SPAG16: variants seen among roughly 807,000 people sequenced by gnomAD.
The protein encoded by SPAG16 is sperm associated antigen 16.
Under a neutral mutation model 80.4 loss-of-function variants are expected in SPAG16, and 86 were observed. The observed-to-expected ratio is 1.07, with a 90% CI of 0.90 to 1.28. The LOEUF (loss-of-function observed/expected upper bound fraction) is 1.28, where lower values mean the gene tolerates loss of function less well. Ranked by LOEUF, SPAG16 falls within the 50% of genes most tolerant of loss-of-function variation. The pLI, the probability that SPAG16 is intolerant of heterozygous loss-of-function variation, is 0.00. For missense variants in SPAG16, 870 were observed against 765.3 expected (o/e 1.14, Z -1.61); for synonymous variants, 294 against 265.9 (o/e 1.11, Z -1.03).
At chr2:213,716,136 C>CA (rs1160962878) in intron 10 of SPAG16, among the ~76,000 whole-genome samples, 1 of 151,928 alleles carries the variant, frequency 6.6e-6, no homozygotes, top group Non-Finnish European at 1.5e-5. Flanking sequence ...TTTTTTATCT[C>CA]AAGTGTATTA....
Position 213,584,481 on chromosome 2 carries a change from T to C in SPAG16, c.1070+94391T>C, listed in dbSNP as rs1327598602. The stretch of plus-strand genomic sequence containing the variant: ...AGTAAAAATGGGAGAGATCAAAGAA[T>C]CTCAGTGAAAAAAAATCATAGAATT... On this transcript the variant is annotated intron_variant, in intron 10 of 15. Coordinates refer to ENST00000331683, the MANE Select transcript of SPAG16 (RefSeq NM_024532.5). Among the ~76,000 whole-genome samples the C allele has an allele frequency of 2.0e-5, 3 of 151,830 alleles. No homozygotes were observed. In the East Asian group the frequency reaches 5.8e-4, roughly 29 times the overall value.
intron 10 of SPAG16, among the ~76,000 whole-genome samples, chr2:213,777,973 C>G (rs1201002990): frequency 6.6e-6 from 1 of 152,078 alleles, no homozygotes; most frequent in Admixed American, 6.5e-5. Flanking sequence ...AAAACTTGCT[C>G]TTTTAGTTTT....
chr2:213,724,776 CAAAAAAA>C (rs1159240137), intron 10 of SPAG16, among the ~76,000 whole-genome samples: 2 of 39,904 alleles, frequency 5.0e-5, no homozygotes, highest in African/African-American at 2.3e-4. Context: ...GACTCTGTCT[CAAAAAAA>C]AAAAAAAAAA....
intron 1 of SPAG16, among the ~76,000 whole-genome samples, chr2:213,295,678 T>C (rs1259630290): frequency 1.3e-5 from 2 of 152,122 alleles, no homozygotes; most frequent in East Asian, 1.9e-4. Flanking sequence ...GGAAAATTCA[T>C]TGTGGTTTAA....
chr2:213,903,484 C>CG (rs1298682001), intron 11 of SPAG16, among the ~76,000 whole-genome samples: 4 of 152,170 alleles, frequency 2.6e-5, no homozygotes, highest in African/African-American at 9.7e-5. Context: ...CCCCTTTCAT[C>CG]CGCAGCTGGA....
At chr2:213,419,400 C>A (rs554304943) in intron 9 of SPAG16, among the ~76,000 whole-genome samples, 1 of 151,888 alleles carries the variant, frequency 6.6e-6, no homozygotes, top group Admixed American at 6.6e-5. Flanking sequence ...TTTTTTACTC[C>A]CTAATATGCT....
In SPAG16 at chr2:214,376,623, G is replaced by A. The variant is rs1700150604; in HGVS notation, c.1721-33517G>A. Among the ~76,000 whole-genome samples, 3 of 152,102 alleles carry A rather than the reference G, an allele frequency of 2.0e-5. 1 individual carries two copies. In the South Asian group the frequency reaches 6.2e-4, roughly 32 times the overall value. On this transcript the variant is annotated intron_variant, in intron 15 of 15. Coordinates refer to ENST00000331683, the MANE Select transcript of SPAG16 (RefSeq NM_024532.5). ...TCTTTGATATCTCTGATTAAAAAGAGCTTATTACAGTCAGCCTAACCAAGC... is the reference window on the plus strand; with the variant it reads ...TCTTTGATATCTCTGATTAAAAAGAACTTATTACAGTCAGCCTAACCAAGC...
At chr2:213,326,906 C>G (rs145809095) in intron 5 of SPAG16, among the ~76,000 whole-genome samples, 2 of 152,034 alleles carry the variant, frequency 1.3e-5, no homozygotes, top group Non-Finnish European at 2.9e-5. Flanking sequence ...AAATAATATT[C>G]ATATCATATT....
intron 10 of SPAG16, among the ~76,000 whole-genome samples, chr2:213,565,479 G>T (rs1237436425): frequency 6.6e-6 from 1 of 152,242 alleles, no homozygotes; most frequent in South Asian, 2.1e-4. Flanking sequence ...AGCTACTCAA[G>T]TGAGATTTAC....
chr2:213,621,319 G>A (rs1204359104), intron 10 of SPAG16, among the ~76,000 whole-genome samples: 1 of 152,212 alleles, frequency 6.6e-6, no homozygotes. Flanking sequence ...AGAAAAATAT[G>A]TTACAACTGA....
At chr2:214,047,223 C>T (rs1054589229) in intron 13 of SPAG16, among the ~76,000 whole-genome samples, 1 of 152,056 alleles carries the variant, frequency 6.6e-6, no homozygotes. Flanking sequence ...CCTAGAATAT[C>T]CAAAGCTATC....
chr2:213,512,382 A>G (rs900465322), intron 10 of SPAG16, among the ~76,000 whole-genome samples: 2 of 152,176 alleles, frequency 1.3e-5, no homozygotes, highest in African/African-American at 4.8e-5. Flanking sequence ...CACTCAAGCT[A>G]CAGAGCCCTA....
intron 10 of SPAG16, among the ~76,000 whole-genome samples, chr2:213,493,930 C>G (rs948218772): frequency 1.3e-5 from 2 of 152,214 alleles, no homozygotes; most frequent in Admixed American, 1.3e-4. Context: ...CCATTCTCCT[C>G]TGCCATCGGG....
intron 13 of SPAG16, 78 bp downstream of exon 13, chr2:214,014,155 G>T (rs2124964929): frequency 1.3e-6 from 2 of 1,540,526 alleles, no homozygotes; most frequent in South Asian, 1.2e-5. Context: ...TATGGAATAT[G>T]ACTTAAAAAG....
At chr2:214,136,777 A>G (rs115049917) in intron 14 of SPAG16, among the ~76,000 whole-genome samples, 3,687 of 152,310 alleles carry the variant, frequency 0.024, 113 homozygotes, top group South Asian at 0.15. Flanking sequence ...GTAATGAGCT[A>G]TTGCTTAATG....
At chr2:213,359,093 A>G (rs2065834446) in intron 7 of SPAG16, among the ~76,000 whole-genome samples, 1 of 152,184 alleles carries the variant, frequency 6.6e-6, no homozygotes, top group African/African-American at 2.4e-5. Flanking sequence ...GAGGCTGTAG[A>G]ACAGCAAATA....
At chr2:213,452,523 C>T (rs997698840) in intron 9 of SPAG16, among the ~76,000 whole-genome samples, 8 of 152,210 alleles carry the variant, frequency 5.3e-5, no homozygotes, top group Non-Finnish European at 8.8e-5. Context: ...TCACATTCCT[C>T]CTTTGTTGGG....
chr2:213,582,525 A>C (rs2060331497), intron 10 of SPAG16, among the ~76,000 whole-genome samples: 1 of 152,178 alleles, frequency 6.6e-6, no homozygotes, highest in Non-Finnish European at 1.5e-5. Flanking sequence ...GATTGGGGCA[A>C]GAACGAAGAT....
chr2:213,431,068 G>T (rs147356397), intron 9 of SPAG16, among the ~76,000 whole-genome samples: 2 of 152,174 alleles, frequency 1.3e-5, no homozygotes, highest in Non-Finnish European at 2.9e-5. Context: ...GCTCAAATGA[G>T]TTCTAAACAT....
Sources: allele counts gnomAD v4.1 joint callset (sites outside exome capture counted in the v4.1 genomes callset), GRCh38; gene constraint gnomAD v4.1.1; transcripts MANE v1.5; gene names NCBI Gene and HGNC (gene_info 2026-07-23, HGNC 2026-07-21).